ARHGAP15: variants seen among roughly 807,000 people sequenced by gnomAD.
ARHGAP15 encodes the protein Rho GTPase activating protein 15, also known as rho GTPase-activating protein 15.
ARHGAP15 carries 51 observed loss-of-function variants against 63.7 expected under a neutral mutation model. The observed-to-expected ratio is 0.80, with a 90% CI of 0.64 to 1.01. The LOEUF (loss-of-function observed/expected upper bound fraction) is 1.01, where lower values mean the gene tolerates loss of function less well. Ranked by LOEUF, ARHGAP15 falls within the 50% of genes least tolerant of loss-of-function variation. ARHGAP15 has a pLI of 0.00. For synonymous variants in ARHGAP15, 191 were observed against 193.8 expected (o/e 0.99, Z 0.12); for missense variants, 560 against 564.6 (o/e 0.99, Z 0.08).
At chr2:143,129,895 A>C (rs555387559) in intron 1 of ARHGAP15, among the ~76,000 whole-genome samples, 34 of 152,294 alleles carry the variant, frequency 2.2e-4, no homozygotes, top group African/African-American at 7.9e-4. Context: ...TTCAGTGTGA[A>C]AGATACTCAC....
chr2:143,553,788 A>T (rs550765454), intron 10 of ARHGAP15, among the ~76,000 whole-genome samples: 9 of 152,324 alleles, frequency 5.9e-5, no homozygotes, highest in Admixed American at 2.0e-4. Flanking sequence ...CTCTAAGAGA[A>T]AAAAGAAGTT....
intron 6 of ARHGAP15, among the ~76,000 whole-genome samples, chr2:143,258,252 C>CATAT (rs71301731): frequency 0.045 from 6,739 of 150,612 alleles, 176 homozygotes; most frequent in Middle Eastern, 0.11. Context: ...AGAAAAAATA[C>CATAT]ATATATATAT....
chr2:143,334,214 C>T (rs995918214), intron 6 of ARHGAP15, among the ~76,000 whole-genome samples: 1 of 152,130 alleles, frequency 6.6e-6, no homozygotes, highest in African/African-American at 2.4e-5. Flanking sequence ...TCACAGATCT[C>T]TCTAATTTTT....
At chr2:143,215,588 G>A (rs1574102488) in intron 3 of ARHGAP15, among the ~76,000 whole-genome samples, 2 of 152,156 alleles carry the variant, frequency 1.3e-5, no homozygotes, top group East Asian at 3.8e-4. Flanking sequence ...GAAAGATGAA[G>A]GCTAACGACT....
At chr2:143,519,133 T>C (rs979341065) in intron 9 of ARHGAP15, 133 bp from the exon 10 acceptor site, 10 of 595,452 alleles carry the variant, frequency 1.7e-5, no homozygotes, top group African/African-American at 5.7e-5. Context: ...CCATAGACAC[T>C]ATGGAAATAA....
chr2:143,484,404 T>C (rs190591310), intron 8 of ARHGAP15, among the ~76,000 whole-genome samples: 1 of 149,816 alleles, frequency 6.7e-6, no homozygotes, highest in Non-Finnish European at 1.5e-5. Context: ...TAGTGGCACA[T>C]GCCTGTAATC....
intron 6 of ARHGAP15, among the ~76,000 whole-genome samples, chr2:143,333,042 T>C (rs553325785): frequency 1.3e-4 from 20 of 150,606 alleles, no homozygotes; most frequent in South Asian, 4.2e-4. Flanking sequence ...AGAAGATGAA[T>C]GCTTGTAGCC....
chr2:143,281,376 G>A (rs1164555067), intron 6 of ARHGAP15, among the ~76,000 whole-genome samples: 1 of 152,140 alleles, frequency 6.6e-6, no homozygotes, highest in African/African-American at 2.4e-5. Flanking sequence ...TACAGAAAGT[G>A]CTAAGGAGCA....
intron 6 of ARHGAP15, among the ~76,000 whole-genome samples, chr2:143,306,329 T>C (rs1683169654): frequency 6.6e-6 from 1 of 152,046 alleles, no homozygotes; most frequent in African/African-American, 2.4e-5. Context: ...ACTGCCTGCT[T>C]AGAGGAGAGT....
intron 12 of ARHGAP15, among the ~76,000 whole-genome samples, chr2:143,624,991 A>G (rs941335061): frequency 1.1e-4 from 17 of 152,164 alleles, no homozygotes; most frequent in African/African-American, 4.1e-4. Context: ...TTCCAAATGG[A>G]AGGGTACTTC....
chr2:143,737,141 G>A (rs1025211457), intron 13 of ARHGAP15, among the ~76,000 whole-genome samples: 12 of 152,286 alleles, frequency 7.9e-5, no homozygotes, highest in African/African-American at 2.2e-4. Flanking sequence ...TTAACTAGCC[G>A]GGAACATTGA....
intron 2 of ARHGAP15, among the ~76,000 whole-genome samples, chr2:143,156,332 T>C (rs928701511): frequency 2.0e-5 from 3 of 151,918 alleles, no homozygotes; most frequent in African/African-American, 7.2e-5. Context: ...TCTTCCATAA[T>C]GGTGGTAACT....
intron 9 of ARHGAP15, among the ~76,000 whole-genome samples, chr2:143,489,561 G>A (rs1329361859): frequency 6.6e-6 from 1 of 151,566 alleles, no homozygotes; most frequent in Non-Finnish European, 1.5e-5. Flanking sequence ...TTCCCAACTC[G>A]GTAAAAGGCA....
intron 6 of ARHGAP15, among the ~76,000 whole-genome samples, chr2:143,368,683 A>G (rs983457116): frequency 3.9e-5 from 6 of 152,170 alleles, no homozygotes; most frequent in Admixed American, 6.6e-5. Context: ...TGTGAGAGTC[A>G]TTAAAAGGTT....
At chr2:143,510,670 C>T (rs977203530) in intron 9 of ARHGAP15, among the ~76,000 whole-genome samples, 2 of 152,152 alleles carry the variant, frequency 1.3e-5, no homozygotes, top group African/African-American at 2.4e-5. Context: ...TGTGTTTTTC[C>T]GTTGCTTGCA....
chr2:143,490,872 C>T (rs2105234798), intron 9 of ARHGAP15, among the ~76,000 whole-genome samples: 1 of 152,254 alleles, frequency 6.6e-6, no homozygotes, highest in African/African-American at 2.4e-5. Flanking sequence ...AAATGATCTG[C>T]CTGCCTTGGC....
chr2:143,527,093 C>CT (rs1302079812), intron 10 of ARHGAP15, among the ~76,000 whole-genome samples: 1 of 151,880 alleles, frequency 6.6e-6, no homozygotes, highest in Non-Finnish European at 1.5e-5. Context: ...GCATGATGTT[C>CT]TTTTTTAAAG....
At chr2:143,738,389 C>A (rs765076786) in intron 13 of ARHGAP15, among the ~76,000 whole-genome samples, 1 of 152,192 alleles carries the variant, frequency 6.6e-6, no homozygotes, top group Non-Finnish European at 1.5e-5. Flanking sequence ...CAATCCTCAA[C>A]TGTGGATTTG....
intron 6 of ARHGAP15, among the ~76,000 whole-genome samples, chr2:143,251,760 T>C (rs549456007): frequency 6.6e-6 from 1 of 151,910 alleles, no homozygotes; most frequent in Admixed American, 6.6e-5. Context: ...AGAGAAAAGA[T>C]AGAAGAAAAC....
Sources: allele counts gnomAD v4.1 joint callset (sites outside exome capture counted in the v4.1 genomes callset), GRCh38; gene constraint gnomAD v4.1.1; transcripts MANE v1.5; gene names NCBI Gene and HGNC (gene_info 2026-07-23, HGNC 2026-07-21).